Variants in PLD1 observed in about 807,000 individuals in gnomAD.
PLD1 encodes choline phosphatase 1.
In PLD1, 112 loss-of-function variants were observed where a neutral mutation model predicts 137.1. That is an observed-to-expected ratio of 0.82 (90% CI 0.70 to 0.96). The LOEUF (loss-of-function observed/expected upper bound fraction) is 0.96, where lower values mean the gene tolerates loss of function less well. PLD1 is among the 40% of genes least tolerant of loss of function. The probability of loss-of-function intolerance (pLI) is 0.00; values close to 1 mark genes in which losing one functional copy is unlikely to be tolerated. For synonymous variants in PLD1, 431 were observed against 454.7 expected (o/e 0.95, Z 0.66); for missense variants, 1,321 against 1,342.0 (o/e 0.98, Z 0.24).
At chr3:171,696,032 A>C (rs1384223683) in intron 12 of PLD1, among the ~76,000 whole-genome samples, 1 of 152,094 alleles carries the variant, frequency 6.6e-6, no homozygotes, top group Non-Finnish European at 1.5e-5. Flanking sequence ...TAGAGATGTG[A>C]TTATTCCTGT....
intron 23 of PLD1, among the ~76,000 whole-genome samples, chr3:171,630,368 G>A (rs1400082973): frequency 7.0e-6 from 1 of 143,300 alleles, no homozygotes; most frequent in Non-Finnish European, 1.5e-5. Context: ...GAAACAACAG[G>A]TGCTGGAGAG....
chr3:171,752,527 A>G (rs1401552421), intron 1 of PLD1, among the ~76,000 whole-genome samples: 3 of 152,182 alleles, frequency 2.0e-5, no homozygotes, highest in Admixed American at 1.3e-4. Flanking sequence ...TCCCAGTTAC[A>G]TCTCCATGGC....
intron 1 of PLD1, among the ~76,000 whole-genome samples, chr3:171,754,143 C>A (rs1470481176): frequency 6.6e-6 from 1 of 152,152 alleles, no homozygotes; most frequent in Non-Finnish European, 1.5e-5. Context: ...GTCTCTGACT[C>A]CTCTGGAAGA....
chr3:171,620,775 A>T (rs1473970692), intron 23 of PLD1, among the ~76,000 whole-genome samples: 3 of 136,888 alleles, frequency 2.2e-5, no homozygotes, highest in African/African-American at 8.9e-5. Flanking sequence ...TATATTATAT[A>T]TATTTTTTTT....
intron 23 of PLD1, among the ~76,000 whole-genome samples, chr3:171,634,852 G>A (rs887622174): frequency 9.2e-5 from 14 of 151,880 alleles, no homozygotes; most frequent in Non-Finnish European, 1.3e-4. Context: ...TCACAAGGCC[G>A]TACAACCATC....
At chr3:171,764,962 GAAAGAAAGAAAGAAAGAAA>G (rs1721849972) in intron 1 of PLD1, among the ~76,000 whole-genome samples, 6 of 56,776 alleles carry the variant, frequency 1.1e-4, no homozygotes, top group African/African-American at 2.5e-4. Flanking sequence ...AAGAAAGAAA[GAAAGAAAGAAAGAAAGAAA>G]GAAAGAAAGA....
intron 16 of PLD1, among the ~76,000 whole-genome samples, chr3:171,684,669 C>T (rs1459373113): frequency 6.6e-6 from 1 of 152,186 alleles, no homozygotes; most frequent in East Asian, 1.9e-4. Context: ...GATCTCAGCT[C>T]ACTGCAACCT....
At chr3:171,795,592 G>T (rs1270059130) in intron 1 of PLD1, among the ~76,000 whole-genome samples, 1 of 152,088 alleles carries the variant, frequency 6.6e-6, no homozygotes, top group East Asian at 1.9e-4. Flanking sequence ...GTGGGTCCAG[G>T]CTCCTTATCT....
chr3:171,781,463 AT>A (rs1350154566), intron 1 of PLD1, among the ~76,000 whole-genome samples: 1 of 152,186 alleles, frequency 6.6e-6, no homozygotes, highest in Non-Finnish European at 1.5e-5. Context: ...CATTGAAAAA[AT>A]AAATAAGAAA....
chr3:171,687,436 T>C lies in PLD1; in HGVS notation c.1688A>G (p.Tyr563Cys), dbSNP rs1343940522. The change falls in exon 15 of 27, where the codon TAC becomes TGC. Residue 563 changes from tyrosine (Y) to cysteine (C), a missense_variant. Coordinates refer to ENST00000351298, the MANE Select transcript of PLD1 (RefSeq NM_002662.5). Reference sequence around the variant, plus strand: ...CAGGTGGTGCCTGTGGAGCTGCTTGTAGAGACTAAATTTGGAGAACTTTCT... The same window carrying C: ...CAGGTGGTGCCTGTGGAGCTGCTTGCAGAGACTAAATTTGGAGAACTTTCT... ...KPRKFSKFSL[Y>C]KQLHRHHLHD... 1 of 1,614,172 alleles carries C rather than the reference T, an allele frequency of 6.2e-7. No homozygotes were observed. Among genetic ancestry groups the C allele is most frequent in the Admixed American group, 1.7e-5 (1 of 60,018 alleles).
intron 2 of PLD1, 112 bp downstream of exon 2, chr3:171,737,780 C>T (rs1719476584): frequency 6.0e-6 from 8 of 1,341,424 alleles, no homozygotes; most frequent in East Asian, 4.6e-5. Context: ...GATCTGAGCC[C>T]GGTGTTACAT....
In PLD1 at chr3:171,730,024, T is replaced by C. The variant is rs574149125; in HGVS notation, c.606+3420A>G. 1.1e-4 allele frequency among the ~76,000 whole-genome samples: 17 copies of C among 152,314 alleles called. 1 individual carries two copies. In the South Asian group the frequency reaches 2.1e-3, roughly 19 times the overall value. The stretch of plus-strand genomic sequence containing the variant: ...CACCTTAGGGCCCTTCTCTTGGAAA[T>C]TGTACAATTTGTTCCATTTCTAGAT... On this transcript the variant is annotated intron_variant, in intron 6 of 26. Transcript: ENST00000351298.
chr3:171,688,783 C>A lies in PLD1; in HGVS notation c.1432G>T (p.Gly478Ter). 6 of 1,614,094 alleles carry A rather than the reference C, an allele frequency of 3.7e-6. No individual in the cohort carries two copies. The highest frequency in any genetic ancestry group is 5.1e-6 in the Non-Finnish European group (6 of 1,179,974). Residue 478 changes from glycine to a stop codon, truncating the protein, a stop_gained, in exon 14 of 27, where the codon GGA becomes TGA. Transcript: ENST00000351298. LOFTEE classifies it high-confidence loss of function. ...CTTCCATAGGCCAGGTCAATCCCTC[C>A]CACAAAGGCCACCGATTGGTCAATG... ...VIIDQSVAFV[G>*]GIDLAYGRWD...
chr3:171,725,854 T>C (rs576813468), intron 7 of PLD1, 164 bp downstream of exon 7: 1 of 607,926 alleles, frequency 1.6e-6, no homozygotes, highest in East Asian at 2.8e-5. Flanking sequence ...TCACAGGAGA[T>C]GCTCTGATTT....
chr3:171,639,820 TTCTCTCTCTC>T (rs778938858), intron 23 of PLD1, among the ~76,000 whole-genome samples: 6 of 118,060 alleles, frequency 5.1e-5, no homozygotes, highest in African/African-American at 6.7e-5. Flanking sequence ...TTTACATAAT[TTCTCTCTCTC>T]TCTCTCTCTC....
chr3:171,775,630 G>A (rs77633914), intron 1 of PLD1, among the ~76,000 whole-genome samples: 1 of 152,088 alleles, frequency 6.6e-6, no homozygotes, highest in South Asian at 2.1e-4. Flanking sequence ...ATCACCTGAG[G>A]TCAGGGGTTC....
chr3:171,654,021 A>G, intron 21 of PLD1: 1 of 317,878 alleles, frequency 3.1e-6, no homozygotes. Context: ...GGCAAGCAGT[A>G]GCTCTTCTAC....
chr3:171,764,276 C>G (rs1721655145), intron 1 of PLD1, among the ~76,000 whole-genome samples: 2 of 152,158 alleles, frequency 1.3e-5, no homozygotes, highest in Admixed American at 6.5e-5. Context: ...GCCTGGTCTA[C>G]AGTTTATTTT....
intron 6 of PLD1, among the ~76,000 whole-genome samples, chr3:171,729,586 G>A (rs1321893880): frequency 6.6e-6 from 1 of 152,152 alleles, no homozygotes; most frequent in African/African-American, 2.4e-5. Flanking sequence ...GAAGGTAAGA[G>A]CATTGAGTTG....
Sources: gnomAD v4.1 joint callset for allele counts (sites outside exome capture counted in the v4.1 genomes callset) on GRCh38, gnomAD v4.1.1 for gene constraint, MANE v1.5 for transcripts, NCBI Gene and HGNC (gene_info 2026-07-23, HGNC 2026-07-21) for gene names.